The following KIAA1958 variants were observed in gnomAD, a reference collection of about 807,000 sequenced individuals.
KIAA1958 encodes the protein uncharacterized protein KIAA1958.
In KIAA1958, 14 loss-of-function variants were observed where a neutral mutation model predicts 47.2. The observed-to-expected ratio is 0.30, with a 90% CI of 0.20 to 0.46. The LOEUF is 0.46. Among genes scored for constraint, KIAA1958 ranks in the 20% least tolerant of loss-of-function variants. The pLI is 1.00. For synonymous variants in KIAA1958, 354 were observed against 353.3 expected (o/e 1.00, Z -0.02); for missense variants, 803 against 909.2 (o/e 0.88, Z 1.50).
At chr9:112,549,341 C>T (rs1247975971) in intron 1 of KIAA1958, among the ~76,000 whole-genome samples, 1 of 152,210 alleles carries the variant, frequency 6.6e-6, no homozygotes, top group Non-Finnish European at 1.5e-5. Flanking sequence ...ACTCTCCGTA[C>T]TATTACAAAT....
chr9:112,494,353 A>G (rs144478748), intron 1 of KIAA1958, among the ~76,000 whole-genome samples: 2 of 151,718 alleles, frequency 1.3e-5, no homozygotes, highest in East Asian at 3.9e-4. Flanking sequence ...CTCCTATTAT[A>G]TGTATGTTGG....
chr9:112,644,912 G>A (rs916179409), intron 2 of KIAA1958, among the ~76,000 whole-genome samples: 1 of 152,080 alleles, frequency 6.6e-6, no homozygotes, highest in African/African-American at 2.4e-5. Context: ...GAGGTGGGTG[G>A]ATCACCTGAG....
chr9:112,575,350 A>C, intron 2 of KIAA1958, 99 bp downstream of exon 2: 1 of 774,362 alleles, frequency 1.3e-6, no homozygotes, highest in Non-Finnish European at 2.0e-6. Context: ...GCTAGAATTC[A>C]GTCCTTTGTT....
chr9:112,601,495 T>A (rs1195398670), intron 2 of KIAA1958, among the ~76,000 whole-genome samples: 1 of 152,098 alleles, frequency 6.6e-6, no homozygotes, highest in Non-Finnish European at 1.5e-5. Flanking sequence ...ATATTAGACC[T>A]ATCTGGGGAC....
At chr9:112,547,873 A>G (rs1835068175) in intron 1 of KIAA1958, among the ~76,000 whole-genome samples, 1 of 152,050 alleles carries the variant, frequency 6.6e-6, no homozygotes, top group Non-Finnish European at 1.5e-5. Flanking sequence ...TGGAGGATTT[A>G]TCTGCATTAT....
intron 3 of KIAA1958, among the ~76,000 whole-genome samples, chr9:112,659,019 CAAAAAAAAAAAAAAAA>C (rs560013892): frequency 1.7e-5 from 1 of 57,764 alleles, no homozygotes; most frequent in African/African-American, 6.2e-5. Flanking sequence ...GACTCTGACT[CAAAAAAAAAAAAAAAA>C]AAAAAAAAAG....
intron 1 of KIAA1958, among the ~76,000 whole-genome samples, chr9:112,530,112 G>C (rs1286057243): frequency 6.6e-6 from 1 of 152,160 alleles, no homozygotes; most frequent in Non-Finnish European, 1.5e-5. Flanking sequence ...CAAAGTGCTG[G>C]GATTACAGGC....
chr9:112,593,841 TTTG>T (rs529830168), intron 2 of KIAA1958, among the ~76,000 whole-genome samples: 29 of 147,928 alleles, frequency 2.0e-4, no homozygotes, highest in African/African-American at 6.0e-4. Context: ...TTGTCTGTTT[TTTG>T]TTTTGTTTTG....
intron 1 of KIAA1958, among the ~76,000 whole-genome samples, chr9:112,550,440 A>G (rs1423543246): frequency 6.6e-6 from 1 of 152,180 alleles, no homozygotes; most frequent in East Asian, 1.9e-4. Context: ...TACAAATTTT[A>G]TCATAGAGAG....
At chr9:112,626,263 C>A (rs2131224640) in intron 2 of KIAA1958, among the ~76,000 whole-genome samples, 1 of 152,264 alleles carries the variant, frequency 6.6e-6, no homozygotes, top group African/African-American at 2.4e-5. Flanking sequence ...AAAAGGAACT[C>A]AAGCATAAAT....
chr9:112,595,322 G>A (rs934084880), intron 2 of KIAA1958, among the ~76,000 whole-genome samples: 4 of 152,114 alleles, frequency 2.6e-5, no homozygotes, highest in African/African-American at 4.8e-5. Flanking sequence ...GATCCATTGC[G>A]GTGCCAGCAG....
At chr9:112,588,820 A>G (rs1169272710) in intron 2 of KIAA1958, among the ~76,000 whole-genome samples, 1 of 152,096 alleles carries the variant, frequency 6.6e-6, no homozygotes, top group Non-Finnish European at 1.5e-5. Context: ...CTGTTCCCCT[A>G]ACTTCATGTT....
chr9:112,586,551 C>CAA (rs151304752), intron 2 of KIAA1958, among the ~76,000 whole-genome samples: 61 of 150,864 alleles, frequency 4.0e-4, no homozygotes, highest in African/African-American at 1.4e-3. Context: ...TAGTATTTCA[C>CAA]AAAAAAAAAT....
At chr9:112,560,779 A>G (rs991774175) in intron 1 of KIAA1958, among the ~76,000 whole-genome samples, 3 of 152,158 alleles carry the variant, frequency 2.0e-5, no homozygotes, top group African/African-American at 7.2e-5. Context: ...AGTCTGTGGG[A>G]TGCTAGAATA....
At chr9:112,507,579 C>A (rs184868142) in intron 1 of KIAA1958, among the ~76,000 whole-genome samples, 111 of 152,192 alleles carry the variant, frequency 7.3e-4, no homozygotes, top group Middle Eastern at 3.4e-3. Flanking sequence ...GAATTCCTGG[C>A]CTCAAGTGAT....
chr9:112,599,700 A>T (rs1836096307), intron 2 of KIAA1958, among the ~76,000 whole-genome samples: 1 of 152,240 alleles, frequency 6.6e-6, no homozygotes, highest in African/African-American at 2.4e-5. Flanking sequence ...GTCTTCTACA[A>T]CTGCCTTAAC....
In KIAA1958 at chr9:112,602,491, C is replaced by T. The variant is rs185348599; in HGVS notation, c.1171+27240C>T. 3.9e-5 allele frequency among the ~76,000 whole-genome samples: 6 copies of T among 152,228 alleles called. No homozygotes were observed. The East Asian group carries it at 1.2e-3, about 29-fold the overall frequency. On this transcript the variant is annotated intron_variant, in intron 2 of 3. Coordinates refer to ENST00000337530, the MANE Select transcript of KIAA1958 (RefSeq NM_133465.4). ...TAGTACAGTACCTAATAGACAACAT[C>T]GTAACATCAGCATAATCTCTTTTTT...
chr9:112,581,005 TGA>T (rs1414856298), intron 2 of KIAA1958, among the ~76,000 whole-genome samples: 1 of 152,212 alleles, frequency 6.6e-6, no homozygotes, highest in Non-Finnish European at 1.5e-5. Context: ...AGCTCTGGGC[TGA>T]GAGAGTGGAG....
At chr9:112,552,936 C>T (rs10817356) in intron 1 of KIAA1958, among the ~76,000 whole-genome samples, 39,035 of 151,822 alleles carry the variant, frequency 0.26, 5,048 homozygotes, top group Middle Eastern at 0.4. Flanking sequence ...TGGGGAAGAG[C>T]GGGGAGCACT....
Sources: allele counts gnomAD v4.1 joint callset (sites outside exome capture counted in the v4.1 genomes callset), GRCh38; gene constraint gnomAD v4.1.1; transcripts MANE v1.5; gene names NCBI Gene and HGNC (gene_info 2026-07-23, HGNC 2026-07-21).